PCDHA12: variants seen among roughly 807,000 people sequenced by gnomAD.
The protein encoded by PCDHA12 is protocadherin alpha-12.
In PCDHA12, 44 loss-of-function variants were observed where a neutral mutation model predicts 60.0. The ratio of observed to expected loss-of-function variants is 0.73; its 90% CI spans 0.58 to 0.94. The LOEUF (loss-of-function observed/expected upper bound fraction) is 0.94, where lower values mean the gene tolerates loss of function less well. Ranked by LOEUF, PCDHA12 falls within the 40% of genes least tolerant of loss-of-function variation. PCDHA12 has a pLI of 0.00. For missense variants in PCDHA12, 1,276 were observed against 1,239.7 expected, an observed-to-expected ratio of 1.03 and a Z score of -0.44; for synonymous variants, 569 against 553.0, an observed-to-expected ratio of 1.03 and a Z score of -0.40.
chr5:140,928,697 G>A (rs1554206190), intron 1 of PCDHA12: 1 of 1,614,122 alleles, frequency 6.2e-7, no homozygotes, highest in Non-Finnish European at 8.5e-7. Context: ...CACATCTCCC[G>A]GGCGTCTGAC....
intron 1 of PCDHA12, chr5:140,883,340 C>T (rs2059560429): frequency 6.2e-7 from 1 of 1,614,140 alleles, no homozygotes; most frequent in Non-Finnish European, 8.5e-7. Flanking sequence ...TTTGTCACTC[C>T]CCATCAGAGA....
intron 1 of PCDHA12, among the ~76,000 whole-genome samples, chr5:140,965,734 AT>A (rs2095929489): frequency 6.6e-6 from 1 of 152,220 alleles, no homozygotes; most frequent in Non-Finnish European, 1.5e-5. Flanking sequence ...ATTTTACCAG[AT>A]TTTCCCCATT....
intron 3 of PCDHA12, among the ~76,000 whole-genome samples, chr5:140,986,226 C>T (rs2097191326): frequency 6.6e-6 from 1 of 152,168 alleles, no homozygotes; most frequent in African/African-American, 2.4e-5. Context: ...TCTCTAGCCT[C>T]CCCTCTGTGT....
In PCDHA12 at chr5:141,011,713, T is replaced by G. The variant is rs1198989870; in HGVS notation, c.*1776T>G. 6.5e-6 allele frequency: 1 copy of G among 153,774 alleles called. No individual in the cohort carries two copies. The highest frequency in any genetic ancestry group is 1.5e-5 in the Non-Finnish European group (1 of 68,048). 9.5% of individuals were successfully genotyped at this position (153,774 alleles called of 1,614,324 possible). On this transcript the variant is annotated 3_prime_UTR_variant, in exon 4 of 4. Coordinates refer to ENST00000398631, the MANE Select transcript of PCDHA12 (RefSeq NM_018903.4). Reference sequence around the variant, plus strand: ...ATTTTGGAATGAATACTGACAATATTCCATGAGGGTGTGCAAGCACAAATT... The same window carrying G: ...ATTTTGGAATGAATACTGACAATATGCCATGAGGGTGTGCAAGCACAAATT...
chr5:140,876,016 A>G lies in PCDHA12; in HGVS notation c.544A>G (p.Ile182Val), dbSNP rs1554168175. 6.2e-7 allele frequency: 1 copy of G among 1,613,818 alleles called. No individual in the cohort carries two copies. The highest frequency in any genetic ancestry group is 1.1e-5 in the South Asian group (1 of 91,050). The change falls in exon 1 of 4, where the codon ATA becomes GTA. Residue 182 changes from isoleucine (I) to valine (V), a missense_variant. Ile to Val is a conservative substitution (Grantham distance 29). Coordinates refer to ENST00000398631, the MANE Select transcript of PCDHA12 (RefSeq NM_018903.4). Reference sequence around the variant, plus strand: ...TCTAAATGAGAATTTTGAGCTTAAAATAAAAACAAAAAAAGATAAAAGTAT... The same window carrying G: ...TCTAAATGAGAATTTTGAGCTTAAAGTAAAAACAAAAAAAGATAAAAGTAT... ...LSLNENFELK[I>V]KTKKDKSILP...
At chr5:140,884,483 C>T (rs376374275) in intron 1 of PCDHA12, 3 of 1,613,862 alleles carry the variant, frequency 1.9e-6, no homozygotes, top group East Asian at 4.5e-5. Flanking sequence ...CAAGCCCACT[C>T]TAGTGTGCTC....
intron 1 of PCDHA12, among the ~76,000 whole-genome samples, chr5:140,887,104 T>G (rs1554182871): frequency 6.6e-6 from 1 of 151,604 alleles, no homozygotes; most frequent in Admixed American, 6.6e-5. Flanking sequence ...TTTATCTCTT[T>G]TTTTTTTTTT....
At position 140,877,189 on chromosome 5, in the gene PCDHA12, G is replaced by C. The variant is rs370743077; in HGVS notation, c.1717G>C (p.Ala573Pro). Reference protein sequence around the residue: ...PALLATPAGSAGGAVSELVPR... With the variant: ...PALLATPAGSPGGAVSELVPR... ...ACTGCTGGCGACTCCGGCTGGCAGC[G>C]CAGGAGGCGCAGTTAGCGAGTTGGT... Residue 573 changes from alanine to proline, a missense_variant, in exon 1 of 4, where the codon GCA becomes CCA. Ala to Pro is a conservative substitution (Grantham distance 27, BLOSUM62 -1). Coordinates refer to ENST00000398631, the MANE Select transcript of PCDHA12 (RefSeq NM_018903.4). The C allele has an allele frequency of 5.1e-5, 82 of 1,613,690 alleles. No homozygotes were observed. Among genetic ancestry groups the C allele is most frequent in the Non-Finnish European group, 6.4e-5 (75 of 1,179,826 alleles).
rs1261636098 is a variant in PCDHA12, at chr5:140,968,913, C to G, written c.2368-10036C>G. 6.8e-6 allele frequency: 11 copies of G among 1,614,036 alleles called. No homozygotes were observed. Among genetic ancestry groups the G allele is most frequent in the Non-Finnish European group, 8.5e-6 (10 of 1,180,044 alleles). On this transcript the variant is annotated intron_variant, in intron 1 of 3. Transcript: ENST00000398631. ...CTAATAATAGCATTAAGCACAGTGT[C>G]TTTTATATTTCTTTTGACAATCATC...
chr5:140,972,958 G>C (rs918792607), intron 1 of PCDHA12, among the ~76,000 whole-genome samples: 1 of 152,038 alleles, frequency 6.6e-6, no homozygotes, highest in African/African-American at 2.4e-5. Context: ...CACCATGCCC[G>C]GCAAAGGAAA....
At chr5:140,930,553 A>C (rs1252554591) in intron 1 of PCDHA12, 1 of 152,562 alleles carries the variant, frequency 6.6e-6, no homozygotes, top group Non-Finnish European at 1.5e-5. Flanking sequence ...TTAGGACAAC[A>C]TTTTGAAGCA....
chr5:140,878,784 C>T (rs2057723762), intron 1 of PCDHA12, among the ~76,000 whole-genome samples: 1 of 152,156 alleles, frequency 6.6e-6, no homozygotes, highest in Non-Finnish European at 1.5e-5. Flanking sequence ...AGTATATGTT[C>T]AATCACTTTT....
intron 3 of PCDHA12, among the ~76,000 whole-genome samples, chr5:141,006,067 A>T (rs1202024176): frequency 3.3e-5 from 5 of 151,950 alleles, no homozygotes; most frequent in African/African-American, 1.2e-4. Context: ...AGAAATAAAA[A>T]TCAGATTATT....
At chr5:140,996,650 G>A (rs943173536) in intron 3 of PCDHA12, among the ~76,000 whole-genome samples, 2 of 152,042 alleles carry the variant, frequency 1.3e-5, no homozygotes, top group Non-Finnish European at 2.9e-5. Context: ...GTTAATCCTG[G>A]GTGCAGGCTA....
At chr5:140,972,275 G>A (rs548735122) in intron 1 of PCDHA12, among the ~76,000 whole-genome samples, 1 of 150,974 alleles carries the variant, frequency 6.6e-6, no homozygotes, top group African/African-American at 2.4e-5. Flanking sequence ...GAGTAGCTTG[G>A]ACCATAGATG....
rs374149249 is a variant in PCDHA12 at position 140,876,972 on chromosome 5, C to T, written c.1500C>T (p.Gly500=). The T allele has an allele frequency of 8.1e-6, 13 of 1,612,478 alleles. No homozygotes were observed. The highest frequency in any genetic ancestry group is 1.1e-5 in the Non-Finnish European group (13 of 1,179,792). ...VSYSLVERRV[G]EHALSSYVSV... is the part of the protein sequence containing the mutation. ...ACTCGCTGGTGGAGCGGCGGGTGGG[C>T]GAGCACGCACTGTCGAGCTACGTGT... The change falls in exon 1 of 4, where the codon GGC becomes GGT. Residue 500 remains glycine, a synonymous_variant. Transcript: ENST00000398631.
At chr5:140,966,208 T>G (rs993246205) in intron 1 of PCDHA12, 2 of 231,366 alleles carry the variant, frequency 8.6e-6, no homozygotes, top group Admixed American at 1.1e-4. Flanking sequence ...TTGACTGCTT[T>G]TCCCAGACTA....
chr5:140,939,379 A>C (rs1554212694), intron 1 of PCDHA12, among the ~76,000 whole-genome samples: 1 of 152,170 alleles, frequency 6.6e-6, no homozygotes, highest in Non-Finnish European at 1.5e-5. Flanking sequence ...GAACACAAAC[A>C]TTCAGATCAT....
At chr5:140,959,935 T>C (rs2095518080) in intron 1 of PCDHA12, among the ~76,000 whole-genome samples, 2 of 152,178 alleles carry the variant, frequency 1.3e-5, no homozygotes, top group African/African-American at 4.8e-5. Context: ...CCCCATTACT[T>C]AGGCAGAATA....
Sources: allele counts gnomAD v4.1 joint callset (sites outside exome capture counted in the v4.1 genomes callset), GRCh38; gene constraint gnomAD v4.1.1; transcripts MANE v1.5; gene names NCBI Gene and HGNC (gene_info 2026-07-23, HGNC 2026-07-21).